FAM13A: variants seen among roughly 807,000 people sequenced by gnomAD.
FAM13A encodes protein FAM13A.
In FAM13A, 76 loss-of-function variants were observed where a neutral mutation model predicts 129.6. The ratio of observed to expected loss-of-function variants is 0.59; its 90% CI spans 0.49 to 0.71. FAM13A has a LOEUF of 0.71. FAM13A is among the 30% of genes least tolerant of loss of function. FAM13A has a pLI of 0.00. For synonymous variants in FAM13A, 443 were observed against 449.9 expected, an observed-to-expected ratio of 0.98 and a Z score of 0.20; for missense variants, 1,108 against 1,249.3, an observed-to-expected ratio of 0.89 and a Z score of 1.70.
At chr4:88,866,166 C>T (rs1465644751) in intron 6 of FAM13A, among the ~76,000 whole-genome samples, 9 of 152,218 alleles carry the variant, frequency 5.9e-5, no homozygotes, top group Admixed American at 5.9e-4. Context: ...CCTGCCTCAG[C>T]CTCCCGAGTA....
intron 6 of FAM13A, among the ~76,000 whole-genome samples, chr4:88,886,768 A>G (rs1477406139): frequency 1.3e-5 from 2 of 151,506 alleles, no homozygotes; most frequent in African/African-American, 4.9e-5. Flanking sequence ...TTAGCTGGGC[A>G]TGGTGACGCA....
intron 4 of FAM13A, among the ~76,000 whole-genome samples, chr4:88,945,455 T>C (rs1432146994): frequency 6.6e-6 from 1 of 152,168 alleles, no homozygotes; most frequent in African/African-American, 2.4e-5. Flanking sequence ...AGTAAGACTC[T>C]TGCCCCTCTT....
chr4:88,749,981 T>C (rs1463710751), intron 15 of FAM13A, 72 bp from the exon 16 acceptor site: 10 of 1,535,370 alleles, frequency 6.5e-6, no homozygotes, highest in Non-Finnish European at 8.9e-6. Context: ...CCTGGGGAAG[T>C]GGGACACCAT....
chr4:88,821,233 G>A (rs955150601), intron 7 of FAM13A, among the ~76,000 whole-genome samples: 4 of 152,190 alleles, frequency 2.6e-5, no homozygotes, highest in African/African-American at 9.7e-5. Context: ...ACCAAAGGTA[G>A]GTACAGGCTG....
chr4:88,969,267 G>A (rs1402155617), intron 4 of FAM13A, among the ~76,000 whole-genome samples: 4 of 152,084 alleles, frequency 2.6e-5, no homozygotes, highest in South Asian at 4.1e-4. Context: ...TTAAATATAC[G>A]AAGCTGGGGT....
At chr4:88,819,766 T>C in intron 7 of FAM13A, among the ~76,000 whole-genome samples, 1 of 152,230 alleles carries the variant, frequency 6.6e-6, no homozygotes, top group East Asian at 1.9e-4. Context: ...TATAAGTTGA[T>C]ACACTATGTT....
chr4:88,729,080 T>TTC (rs1737047889), intron 23 of FAM13A: 1 of 147,166 alleles, frequency 6.8e-6, no homozygotes, highest in Non-Finnish European at 1.5e-5. Context: ...TTTTTTTTTT[T>TTC]CCAAAAACAG....
At chr4:88,752,915 CA>C (rs1166460659) in intron 14 of FAM13A, among the ~76,000 whole-genome samples, 1 of 152,210 alleles carries the variant, frequency 6.6e-6, no homozygotes, top group Non-Finnish European at 1.5e-5. Flanking sequence ...AACAGTAATG[CA>C]GCAGGCAATA....
chr4:88,777,845 C>T (rs1413323326), intron 11 of FAM13A, among the ~76,000 whole-genome samples: 2 of 152,128 alleles, frequency 1.3e-5, no homozygotes, highest in Non-Finnish European at 2.9e-5. Context: ...CACCAGGGAG[C>T]GACATTTTGC....
At chr4:88,749,690 C>G in intron 16 of FAM13A, 81 bp downstream of exon 16, 1 of 1,461,146 alleles carries the variant, frequency 6.8e-7, no homozygotes, top group South Asian at 1.3e-5. Context: ...CTTAACCTTT[C>G]GTCGTTTCTT....
rs543539437 is a variant in FAM13A, at chr4:88,781,276, G to A, written c.1347C>T (p.Val449=). The A allele has an allele frequency of 6.8e-6, 11 of 1,612,590 alleles. No homozygotes were observed. The highest frequency in any genetic ancestry group is 4.5e-5 in the East Asian group (2 of 44,806). Residue 449 remains valine, a synonymous_variant, in exon 11 of 24, where the codon GTC becomes GTT. Transcript: ENST00000264344. ...LDDCILNTQE[V]EKVHKNTFGC... ...CAAAAGTATTTTTGTGTACCTTTTCGACTTCCTGAGTATTCAAAATACAAT... is the reference window on the plus strand; with the variant it reads ...CAAAAGTATTTTTGTGTACCTTTTCAACTTCCTGAGTATTCAAAATACAAT...
At position 88,749,029 on chromosome 4, in the gene FAM13A, G is replaced by C. The variant is rs1316299468; in HGVS notation, c.2084C>G (p.Ser695Cys). The C allele has an allele frequency of 6.2e-7, 1 of 1,611,918 alleles. No individual in the cohort carries two copies. The highest frequency in any genetic ancestry group is 1.7e-5 in the Admixed American group (1 of 60,024). ...CGGATTGGCTGCTTTGTCACTGTGG[G>C]AAGGCTGAGAAAAGGAAGTCTAGAG... ...RFEEEKKYRP[S>C]HSDKAANPEV... Residue 695 changes from serine (S) to cysteine (C), a missense_variant, in exon 17 of 24, where the codon TCC becomes TGC. Transcript: ENST00000264344.
At chr4:89,047,790 A>T (rs1464757137) in intron 1 of FAM13A, among the ~76,000 whole-genome samples, 3 of 152,242 alleles carry the variant, frequency 2.0e-5, no homozygotes, top group Non-Finnish European at 4.4e-5. Context: ...CAGAACATAA[A>T]GAACTTTTAT....
chr4:88,790,764 A>G (rs961755476), intron 8 of FAM13A, 137 bp from the exon 9 acceptor site: 4 of 695,604 alleles, frequency 5.8e-6, no homozygotes, highest in Non-Finnish European at 9.9e-6. Flanking sequence ...TAACCATCCA[A>G]TGAAAGATGC....
At position 88,747,706 on chromosome 4, in the gene FAM13A, A is replaced by C. The variant is rs1241776254; in HGVS notation, c.2307T>G (p.Val769=). ...ELVDKAIKPS[V]EATLESIQRK... ...TCTGAATAGATTCCAATGTGGCTTC[A>C]ACACTGGGCTTTATTGCTTTATCCA... Residue 769 remains valine (V), a synonymous_variant, in exon 18 of 24, where the codon GTT becomes GTG. Transcript: ENST00000264344. 6.2e-7 allele frequency: 1 copy of C among 1,614,098 alleles called. No individual in the cohort carries two copies. Among genetic ancestry groups the C allele is most frequent in the Non-Finnish European group, 8.5e-7 (1 of 1,179,998 alleles).
At chr4:89,048,538 C>T (rs74987711) in intron 1 of FAM13A, among the ~76,000 whole-genome samples, 2,997 of 152,110 alleles carry the variant, frequency 0.02, 85 homozygotes, top group African/African-American at 0.066. Flanking sequence ...TACTAAAAGT[C>T]ATTAAACTGT....
intron 13 of FAM13A, among the ~76,000 whole-genome samples, chr4:88,767,340 A>G (rs1745879658): frequency 6.6e-6 from 1 of 152,238 alleles, no homozygotes; most frequent in Non-Finnish European, 1.5e-5. Context: ...AAAGTTTATC[A>G]TCATAAGCAA....
intron 5 of FAM13A, among the ~76,000 whole-genome samples, chr4:88,913,115 G>T (rs553841997): frequency 1.3e-5 from 2 of 150,346 alleles, no homozygotes; most frequent in East Asian, 3.9e-4. Flanking sequence ...GGAAGAGGAA[G>T]AGGAAGAAGA....
At chr4:88,903,459 G>A (rs187515191) in intron 6 of FAM13A, among the ~76,000 whole-genome samples, 32 of 152,122 alleles carry the variant, frequency 2.1e-4, no homozygotes, top group African/African-American at 5.5e-4. Flanking sequence ...AAATAAGACC[G>A]AACACCTACA....
Sources: gnomAD v4.1 joint callset for allele counts (sites outside exome capture counted in the v4.1 genomes callset) on GRCh38, gnomAD v4.1.1 for gene constraint, MANE v1.5 for transcripts, NCBI Gene and HGNC (gene_info 2026-07-23, HGNC 2026-07-21) for gene names.